The following CLSTN2 variants were observed in gnomAD, a reference collection of about 807,000 sequenced individuals.
CLSTN2 encodes calsyntenin 2.
In CLSTN2, 48 loss-of-function variants were observed where a neutral mutation model predicts 101.2. The observed-to-expected ratio is 0.47, with a 90% CI of 0.38 to 0.60. CLSTN2 has a LOEUF of 0.60. CLSTN2 is among the 20% of genes least tolerant of loss of function. The pLI is 0.00. For missense variants in CLSTN2, 1,160 were observed against 1,238.2 expected, an observed-to-expected ratio of 0.94 and a Z score of 0.95; for synonymous variants, 481 against 463.6, an observed-to-expected ratio of 1.04 and a Z score of -0.48.
chr3:140,051,413 C>T (rs548075329), intron 1 of CLSTN2, among the ~76,000 whole-genome samples: 41 of 152,302 alleles, frequency 2.7e-4, no homozygotes, highest in African/African-American at 8.2e-4. Context: ...AGTCCATTCC[C>T]GTTCCATCCT....
intron 8 of CLSTN2, among the ~76,000 whole-genome samples, chr3:140,469,355 G>T (rs1225309594): frequency 6.6e-6 from 1 of 152,180 alleles, no homozygotes; most frequent in Non-Finnish European, 1.5e-5. Flanking sequence ...AGTGAGTAGG[G>T]TGTAGGAAAC....
At chr3:140,005,735 G>GA (rs2006940977) in intron 1 of CLSTN2, among the ~76,000 whole-genome samples, 1 of 152,138 alleles carries the variant, frequency 6.6e-6, no homozygotes, top group Non-Finnish European at 1.5e-5. Context: ...AGTCTGATGT[G>GA]AAAAAAATTA....
At chr3:140,271,674 C>T (rs1196517587) in intron 2 of CLSTN2, among the ~76,000 whole-genome samples, 1 of 152,180 alleles carries the variant, frequency 6.6e-6, no homozygotes, top group Non-Finnish European at 1.5e-5. Flanking sequence ...GTGGCCCCAC[C>T]TTCTAATACC....
intron 10 of CLSTN2, among the ~76,000 whole-genome samples, chr3:140,550,986 G>A (rs1402840199): frequency 6.6e-6 from 1 of 151,796 alleles, no homozygotes; most frequent in Non-Finnish European, 1.5e-5. Flanking sequence ...ACCCACTGGG[G>A]GCTATTGTAT....
chr3:140,069,366 A>G (rs1369627863), intron 1 of CLSTN2, among the ~76,000 whole-genome samples: 1 of 152,180 alleles, frequency 6.6e-6, no homozygotes, highest in African/African-American at 2.4e-5. Context: ...CACCAGATCA[A>G]TGGTAGGGCC....
chr3:139,946,496 C>T (rs896415319), intron 1 of CLSTN2, among the ~76,000 whole-genome samples: 3 of 152,154 alleles, frequency 2.0e-5, no homozygotes, highest in Non-Finnish European at 4.4e-5. Flanking sequence ...TTCACTTGAT[C>T]ATCTGGAGGC....
At chr3:140,127,022 C>CAT (rs1269872882) in intron 1 of CLSTN2, among the ~76,000 whole-genome samples, 10 of 151,316 alleles carry the variant, frequency 6.6e-5, no homozygotes, top group South Asian at 4.2e-4. Flanking sequence ...TTATATGTGT[C>CAT]ATATATATAT....
chr3:140,045,374 C>T (rs2007854598), intron 1 of CLSTN2, among the ~76,000 whole-genome samples: 1 of 151,948 alleles, frequency 6.6e-6, no homozygotes, highest in Non-Finnish European at 1.5e-5. Context: ...GGTGATATCC[C>T]CTTTATCATT....
At chr3:140,466,769 T>G (rs768674238) in intron 8 of CLSTN2, 38 bp downstream of exon 8, 2 of 1,612,454 alleles carry the variant, frequency 1.2e-6, no homozygotes, top group Non-Finnish European at 1.7e-6. Context: ...TACTCATGCC[T>G]CTGCGGGGGT....
intron 9 of CLSTN2, among the ~76,000 whole-genome samples, chr3:140,541,442 TA>T (rs1374219016): frequency 6.6e-6 from 1 of 152,202 alleles, no homozygotes; most frequent in African/African-American, 2.4e-5. Flanking sequence ...TGCAAAGTGC[TA>T]GAGTTTTCAG....
chr3:139,961,098 G>A (rs1274342935), intron 1 of CLSTN2, among the ~76,000 whole-genome samples: 1 of 152,168 alleles, frequency 6.6e-6, no homozygotes, highest in Non-Finnish European at 1.5e-5. Context: ...GCAAGTGAGT[G>A]ACTCCAGAGT....
At chr3:139,952,383 A>T (rs78437156) in intron 1 of CLSTN2, among the ~76,000 whole-genome samples, 1 of 152,190 alleles carries the variant, frequency 6.6e-6, no homozygotes, top group African/African-American at 2.4e-5. Context: ...AGCTTGGGAG[A>T]GAGAGGAGTG....
intron 2 of CLSTN2, among the ~76,000 whole-genome samples, chr3:140,354,441 A>C (rs903261148): frequency 6.6e-6 from 1 of 152,162 alleles, no homozygotes; most frequent in Non-Finnish European, 1.5e-5. Context: ...TCTCATGACA[A>C]CCACGTATGC....
chr3:140,010,188 G>A (rs766720305), intron 1 of CLSTN2, among the ~76,000 whole-genome samples: 32 of 152,074 alleles, frequency 2.1e-4, no homozygotes, highest in African/African-American at 4.1e-4. Context: ...AACTGTTTGC[G>A]GTAGGAAACT....
At chr3:140,341,912 G>T (rs1188637382) in intron 2 of CLSTN2, among the ~76,000 whole-genome samples, 3 of 152,134 alleles carry the variant, frequency 2.0e-5, no homozygotes, top group Non-Finnish European at 4.4e-5. Flanking sequence ...GACAGCAGGT[G>T]GTTAATTGCT....
In CLSTN2 at chr3:140,329,064, C is replaced by T. The variant is rs114746097; in HGVS notation, c.233-74565C>T. ...GGACTCAGTTTTCCCCCATTCAGTT[C>T]ATCATTTGGCTGGAATAGATGATCT... On this transcript the variant is annotated intron_variant, in intron 2 of 16. Transcript: ENST00000458420. 4.0e-3 allele frequency among the ~76,000 whole-genome samples: 607 copies of T among 152,284 alleles called. 1 individual carries two copies. The highest frequency in any genetic ancestry group is 0.013 in the African/African-American group (560 of 41,552).
At chr3:140,312,676 G>T (rs1222751243) in intron 2 of CLSTN2, among the ~76,000 whole-genome samples, 1 of 152,220 alleles carries the variant, frequency 6.6e-6, no homozygotes, top group Non-Finnish European at 1.5e-5. Context: ...CCAGTGTGTT[G>T]CAATCAGCAG....
intron 8 of CLSTN2, among the ~76,000 whole-genome samples, chr3:140,498,442 G>C (rs571400830): frequency 6.6e-6 from 1 of 152,330 alleles, no homozygotes; most frequent in East Asian, 1.9e-4. Flanking sequence ...CATGAAGGCA[G>C]CCAGTGCCAA....
At chr3:139,963,556 C>T (rs1935544927) in intron 1 of CLSTN2, among the ~76,000 whole-genome samples, 1 of 152,172 alleles carries the variant, frequency 6.6e-6, no homozygotes, top group Non-Finnish European at 1.5e-5. Context: ...GGAAGAGGGG[C>T]AGAGATTGGT....
Sources: gnomAD v4.1 joint callset for allele counts (sites outside exome capture counted in the v4.1 genomes callset) on GRCh38, gnomAD v4.1.1 for gene constraint, MANE v1.5 for transcripts, NCBI Gene and HGNC (gene_info 2026-07-23, HGNC 2026-07-21) for gene names.